ATF7: variants seen among roughly 807,000 people sequenced by gnomAD.
The protein encoded by ATF7 is activating transcription factor 7, also known as cyclic AMP-dependent transcription factor ATF-7.
A neutral mutation model predicts 50.4 loss-of-function variants in ATF7; 10 were observed. The observed-to-expected ratio is 0.20, with a 90% confidence interval of 0.12 to 0.34. The LOEUF is 0.34. Among genes scored for constraint, ATF7 ranks in the 10% least tolerant of loss-of-function variants. The pLI is 1.00. For missense variants in ATF7, 465 were observed against 613.9 expected, an observed-to-expected ratio of 0.76 and a Z score of 2.56; for synonymous variants, 201 against 226.4, an observed-to-expected ratio of 0.89 and a Z score of 1.01.
intron 2 of ATF7, among the ~76,000 whole-genome samples, chr12:53,595,531 A>G (rs1281950236): frequency 1.3e-5 from 2 of 152,178 alleles, no homozygotes; most frequent in African/African-American, 2.4e-5. Flanking sequence ...TAAAACATAT[A>G]CCTTTGCAGC....
chr12:53,594,654 G>A (rs1184971724), intron 2 of ATF7, among the ~76,000 whole-genome samples: 1 of 152,188 alleles, frequency 6.6e-6, no homozygotes, highest in Admixed American at 6.5e-5. Context: ...TTGGGAGGCT[G>A]AGGCAGGCGG....
At chr12:53,542,498 C>G (rs527268527) in intron 4 of ATF7, among the ~76,000 whole-genome samples, 2 of 152,184 alleles carry the variant, frequency 1.3e-5, no homozygotes, top group East Asian at 3.9e-4. Flanking sequence ...GCAATCATAG[C>G]TCACTGCAGC....
At chr12:53,552,352 T>A (rs750921374) in intron 3 of ATF7, among the ~76,000 whole-genome samples, 189 bp downstream of exon 3, 1 of 152,162 alleles carries the variant, frequency 6.6e-6, no homozygotes, top group Non-Finnish European at 1.5e-5. Context: ...AACCTTGTTA[T>A]TAAAAATAGA....
intron 2 of ATF7, among the ~76,000 whole-genome samples, chr12:53,591,541 A>G (rs577437201): frequency 6.6e-6 from 1 of 152,328 alleles, no homozygotes; most frequent in Admixed American, 6.5e-5. Context: ...TGGCATACTT[A>G]CGAGTATCAC....
chr12:53,585,823 C>A (rs1271101249), intron 2 of ATF7, among the ~76,000 whole-genome samples: 3 of 152,058 alleles, frequency 2.0e-5, no homozygotes, highest in African/African-American at 7.2e-5. Flanking sequence ...AAAGGCTTAG[C>A]CCACTCCATT....
In ATF7 at chr12:53,513,829, G is replaced by T. The variant is rs1360718338; in HGVS notation, c.*3308C>A. 1 of 152,126 alleles carries T rather than the reference G, an allele frequency of 6.6e-6. No individual in the cohort carries two copies. Among genetic ancestry groups the T allele is most frequent in the Non-Finnish European group, 1.5e-5 (1 of 68,074 alleles). The allele number at this position is 152,126 out of a possible 1,614,324, so 9.4% of individuals were successfully genotyped here. ...CAGGCTGTACATAGGGCACGGTTGG[G>T]GTTAAGCACTCCATCTACCAGGATG... On this transcript the variant is annotated 3_prime_UTR_variant, in exon 12 of 12. Transcript: ENST00000420353.
chr12:53,607,570 C>G (rs1197791425), intron 1 of ATF7, among the ~76,000 whole-genome samples: 1 of 151,678 alleles, frequency 6.6e-6, no homozygotes, highest in Non-Finnish European at 1.5e-5. Flanking sequence ...AAGGTACTGC[C>G]TTATAATAAA....
At chr12:53,610,685 T>C (rs1454431410) in intron 1 of ATF7, among the ~76,000 whole-genome samples, 1 of 152,186 alleles carries the variant, frequency 6.6e-6, no homozygotes, top group Non-Finnish European at 1.5e-5. Flanking sequence ...CAGGTACTGT[T>C]ATATATGCTT....
At chr12:53,584,066 G>A (rs895091419) in intron 2 of ATF7, among the ~76,000 whole-genome samples, 31 of 152,198 alleles carry the variant, frequency 2.0e-4, no homozygotes, top group African/African-American at 6.5e-4. Flanking sequence ...TGCAACCTCC[G>A]CCTCCCAAGT....
intron 2 of ATF7, among the ~76,000 whole-genome samples, chr12:53,589,084 TACTC>T (rs2137758551): frequency 6.6e-6 from 1 of 152,266 alleles, no homozygotes; most frequent in African/African-American, 2.4e-5. Context: ...AAACACTACT[TACTC>T]ATTTTTTTCT....
In ATF7 at chr12:53,531,913, G is replaced by A. The variant is rs1329593263; in HGVS notation, c.775-17C>T. 6.2e-7 allele frequency: 1 copy of A among 1,608,974 alleles called. No individual in the cohort carries two copies. Among genetic ancestry groups the A allele is most frequent in the Non-Finnish European group, 8.5e-7 (1 of 1,178,544 alleles). On this transcript the variant is annotated splice_polypyrimidine_tract_variant and intron_variant, in intron 8 of 11. Coordinates refer to ENST00000420353, the MANE Select transcript of ATF7 (RefSeq NM_006856.3). Reference sequence around the variant, plus strand: ...TTTCAGTCTCTGTGGGCAAAGATAAGAAAAAATGCTTGTTAAGGATCAGAT... The same window carrying A: ...TTTCAGTCTCTGTGGGCAAAGATAAAAAAAAATGCTTGTTAAGGATCAGAT...
intron 1 of ATF7, among the ~76,000 whole-genome samples, chr12:53,601,361 C>T (rs1943395402): frequency 1.3e-5 from 2 of 152,128 alleles, no homozygotes; most frequent in African/African-American, 4.8e-5. Context: ...ATTCACTGAA[C>T]GCTCGATGCG....
intron 9 of ATF7, among the ~76,000 whole-genome samples, chr12:53,529,757 T>C (rs575765133): frequency 8.5e-6 from 1 of 117,312 alleles, no homozygotes; most frequent in East Asian, 5.8e-4. Context: ...TTTTTTTTTT[T>C]TGAGATGGAG....
intron 6 of ATF7, among the ~76,000 whole-genome samples, chr12:53,533,744 A>C (rs2137386348): frequency 6.6e-6 from 1 of 152,330 alleles, no homozygotes; most frequent in South Asian, 2.1e-4. Flanking sequence ...CTGAATCCTG[A>C]CAACAGCCTC....
chr12:53,544,797 T>C (rs1051235732), intron 3 of ATF7, among the ~76,000 whole-genome samples: 1 of 152,094 alleles, frequency 6.6e-6, no homozygotes, highest in African/African-American at 2.4e-5. Context: ...GCCTGATCAA[T>C]TGAAAATAGT....
At chr12:53,620,061 G>C (rs1042912679) in intron 1 of ATF7, among the ~76,000 whole-genome samples, 1 of 152,076 alleles carries the variant, frequency 6.6e-6, no homozygotes, top group Non-Finnish European at 1.5e-5. Context: ...AGGATGGCTT[G>C]AGCCTGGGAG....
intron 2 of ATF7, among the ~76,000 whole-genome samples, chr12:53,553,067 G>A (rs1399808335): frequency 1.3e-5 from 2 of 152,196 alleles, no homozygotes; most frequent in African/African-American, 2.4e-5. Flanking sequence ...TGGTAGGGCT[G>A]AATTGGACTC....
intron 1 of ATF7, among the ~76,000 whole-genome samples, chr12:53,605,825 C>T (rs1336206365): frequency 6.6e-6 from 1 of 152,146 alleles, no homozygotes; most frequent in African/African-American, 2.4e-5. Flanking sequence ...GGAAGCCTTT[C>T]TTCTCACAAC....
rs1046859316 is a variant in ATF7, at chr12:53,574,190, G to A, written c.49-21553C>T. Among the ~76,000 whole-genome samples the A allele has an allele frequency of 3.9e-5, 6 of 152,232 alleles. No individual in the cohort carries two copies. The South Asian group carries it at 1.2e-3, about 32-fold the overall frequency. On this transcript the variant is annotated intron_variant, in intron 2 of 11. Transcript: ENST00000420353. ...AACACTATGATTAACACAACAACAT[G>A]TAAGAACAGATGGATAATATAAGAA...
Sources: allele counts gnomAD v4.1 joint callset (sites outside exome capture counted in the v4.1 genomes callset), GRCh38; gene constraint gnomAD v4.1.1; transcripts MANE v1.5; gene names NCBI Gene and HGNC (gene_info 2026-07-23, HGNC 2026-07-21).